CEP89: variants seen among roughly 807,000 people sequenced by gnomAD.
CEP89 encodes the protein centrosomal protein of 89 kDa.
CEP89 carries 95 observed loss-of-function variants against 97.6 expected under a neutral mutation model. The observed-to-expected ratio is 0.97, with a 90% CI of 0.82 to 1.15. The LOEUF (loss-of-function observed/expected upper bound fraction) is 1.15. Among genes scored for constraint, CEP89 ranks in the 50% most tolerant of loss-of-function variants. CEP89 has a pLI of 0.00. For missense variants in CEP89, 869 were observed against 947.7 expected, an observed-to-expected ratio of 0.92 and a Z score of 1.09; for synonymous variants, 354 against 349.1, an observed-to-expected ratio of 1.01 and a Z score of -0.16.
At chr19:32,939,621 T>C (rs1432305992) in intron 6 of CEP89, among the ~76,000 whole-genome samples, 11 of 150,746 alleles carry the variant, frequency 7.3e-5, no homozygotes, top group Admixed American at 6.6e-4. Flanking sequence ...GAGACCGCAG[T>C]GAGCTGAGAT....
intron 9 of CEP89, 137 bp downstream of exon 9, chr19:32,931,292 C>A: frequency 4.0e-6 from 3 of 742,118 alleles, no homozygotes; most frequent in South Asian, 4.3e-5. Context: ...CAGAATGGTC[C>A]TTAGAAACAT....
In CEP89 at chr19:32,904,053, G is replaced by A. The variant is rs564865661; in HGVS notation, c.1566-2641C>T. On this transcript the variant is annotated intron_variant, in intron 14 of 18. Transcript: ENST00000305768. ...CACATGCCTGTAGTCCCAGCTACTC[G>A]AGAGGCTGAGGCAGGAGGATCACTT... Among the ~76,000 whole-genome samples, 4 of 152,286 alleles carry A rather than the reference G, an allele frequency of 2.6e-5. No homozygotes were observed. The East Asian group carries it at 7.7e-4, about 29-fold the overall frequency.
At chr19:32,955,087 T>G (rs1484171478) in intron 3 of CEP89, among the ~76,000 whole-genome samples, 1 of 152,026 alleles carries the variant, frequency 6.6e-6, no homozygotes, top group East Asian at 1.9e-4. Context: ...CCAGCTCAAG[T>G]GATCCTCCTA....
At chr19:32,943,953 T>G (rs1970741089) in intron 5 of CEP89, among the ~76,000 whole-genome samples, 1 of 152,048 alleles carries the variant, frequency 6.6e-6, no homozygotes, top group Admixed American at 6.6e-5. Context: ...CTGGGCCAGA[T>G]GAGGTGTCTC....
chr19:32,939,815 CTATT>C (rs1568571029), intron 6 of CEP89, 38 bp downstream of exon 6: 5 of 908,646 alleles, frequency 5.5e-6, no homozygotes, highest in Non-Finnish European at 8.6e-6. Flanking sequence ...GATAAAAACT[CTATT>C]TATTGAGAAA....
At chr19:32,935,045 G>C (rs1970551944) in intron 7 of CEP89, among the ~76,000 whole-genome samples, 1 of 152,222 alleles carries the variant, frequency 6.6e-6, no homozygotes, top group South Asian at 2.1e-4. Flanking sequence ...GAATAGCAAG[G>C]GGTTAACCCA....
At chr19:32,895,110 TTCTC>T (rs1969611682) in intron 16 of CEP89, among the ~76,000 whole-genome samples, 1 of 152,122 alleles carries the variant, frequency 6.6e-6, no homozygotes, top group African/African-American at 2.4e-5. Flanking sequence ...GAGGAAGGAA[TTCTC>T]TCTAATTCTT....
At chr19:32,959,857 C>T in intron 3 of CEP89, 43 bp downstream of exon 3, 2 of 1,610,108 alleles carry the variant, frequency 1.2e-6, no homozygotes, top group Non-Finnish European at 1.7e-6. Flanking sequence ...GCCTGCCCCT[C>T]TTCCACTCTC....
intron 9 of CEP89, among the ~76,000 whole-genome samples, chr19:32,927,657 T>C (rs35391689): frequency 0.2 from 30,174 of 151,756 alleles, 3,062 homozygotes; most frequent in African/African-American, 0.24. Flanking sequence ...CGGGCTGGAG[T>C]GCAGTGGTGA....
chr19:32,927,220 CTATATGTA>C (rs1159867758), intron 9 of CEP89, among the ~76,000 whole-genome samples: 1 of 152,010 alleles, frequency 6.6e-6, no homozygotes. Context: ...ATCTATCTAT[CTATATGTA>C]TATATGTATA....
At position 32,939,874 on chromosome 19, in the gene CEP89, G is replaced by T; in HGVS notation, c.607C>A (p.Pro203Thr). The stretch of plus-strand genomic sequence containing the variant: ...GATCTTACCTTTAAATTCAGAACAG[G>T]GTGTTTACCATCTGATGAAGAAAAA... ...QRTQQKDGKH[P>T]VLNLKDEKPP... Residue 203 changes from proline to threonine, a missense_variant, in exon 6 of 19, where the codon CCT becomes ACT. By Grantham distance (38) the Pro-to-Thr change is conservative (BLOSUM62 -1). Coordinates refer to ENST00000305768, the MANE Select transcript of CEP89 (RefSeq NM_032816.5). The T allele has an allele frequency of 7.9e-7, 1 of 1,266,398 alleles. No individual in the cohort carries two copies. The highest frequency in any genetic ancestry group is 1.1e-6 in the Non-Finnish European group (1 of 886,528). 78.4% of individuals were successfully genotyped at this position (1,266,398 alleles called of 1,614,324 possible).
chr19:32,951,093 G>A (rs554779769), intron 4 of CEP89, among the ~76,000 whole-genome samples: 2 of 152,058 alleles, frequency 1.3e-5, no homozygotes, highest in East Asian at 1.9e-4. Context: ...AAAATGTATC[G>A]AAATGTGCAC....
intron 3 of CEP89, 58 bp downstream of exon 3, chr19:32,959,842 G>T: frequency 6.3e-7 from 1 of 1,598,452 alleles, no homozygotes; most frequent in Non-Finnish European, 8.6e-7. Context: ...TAGAGACCAG[G>T]CTGAGCCTGC....
In CEP89 at chr19:32,928,812, T is replaced by C. The variant is rs190631740; in HGVS notation, c.1030-1828A>G. Among the ~76,000 whole-genome samples the C allele has an allele frequency of 2.6e-3, 390 of 152,270 alleles. 1 individual carries two copies. The highest frequency in any genetic ancestry group is 7.8e-3 in the African/African-American group (326 of 41,558). ...CTCAGCTTCCCCAGACTCTCATCTCTGTTGAACTCAGGGAAGGGCTCAGCT... is the reference window on the plus strand; with the variant it reads ...CTCAGCTTCCCCAGACTCTCATCTCCGTTGAACTCAGGGAAGGGCTCAGCT... On this transcript the variant is annotated intron_variant, in intron 9 of 18. Coordinates refer to ENST00000305768, the MANE Select transcript of CEP89 (RefSeq NM_032816.5).
chr19:32,910,834 T>A (rs1403326843), intron 14 of CEP89, among the ~76,000 whole-genome samples: 2 of 152,232 alleles, frequency 1.3e-5, no homozygotes, highest in African/African-American at 4.8e-5. Context: ...AGCTGTCACC[T>A]CCTGTGATAA....
chr19:32,971,298 G>A (rs750831872), intron 1 of CEP89: 15 of 411,612 alleles, frequency 3.6e-5, no homozygotes, highest in Non-Finnish European at 5.2e-5. Context: ...GCAGGTGTAC[G>A]TCGTCCAGGA....
chr19:32,940,810 G>A (rs1970673133), intron 5 of CEP89, among the ~76,000 whole-genome samples: 1 of 151,768 alleles, frequency 6.6e-6, no homozygotes. Context: ...CCCTCAGGTG[G>A]AGTACAATGG....
At chr19:32,963,805 T>C (rs1482115050) in intron 2 of CEP89, 1 of 152,174 alleles carries the variant, frequency 6.6e-6, no homozygotes, top group African/African-American at 2.4e-5. Context: ...CTCTGTACAT[T>C]GGTTAGCTAT....
intron 16 of CEP89, among the ~76,000 whole-genome samples, chr19:32,896,874 T>G (rs1221952886): frequency 6.7e-6 from 1 of 148,900 alleles, no homozygotes; most frequent in East Asian, 2.0e-4. Flanking sequence ...AAATAGACAT[T>G]CCCCAAAAGC....
Sources: allele counts gnomAD v4.1 joint callset (sites outside exome capture counted in the v4.1 genomes callset), GRCh38; gene constraint gnomAD v4.1.1; transcripts MANE v1.5; gene names NCBI Gene and HGNC (gene_info 2026-07-23, HGNC 2026-07-21).